The following DMD variants were observed in gnomAD, a reference collection of about 807,000 sequenced individuals.
The protein encoded by DMD is dystrophin.
Under a neutral mutation model 330.1 loss-of-function variants are expected in DMD, and 63 were observed. That is an observed-to-expected ratio of 0.19 (90% CI 0.16 to 0.24). The LOEUF (loss-of-function observed/expected upper bound fraction) is 0.24, where lower values mean the gene tolerates loss of function less well. DMD is among the 10% of genes least tolerant of loss of function. DMD has a pLI of 1.00. For missense variants in DMD, 3,344 were observed against 2,684.1 expected (o/e 1.25, Z -5.43); for synonymous variants, 1,223 against 959.8 (o/e 1.27, Z -5.07).
At chrX:32,944,752 C>T (rs1219865721) in intron 2 of DMD, among the ~76,000 whole-genome samples, 1 of 109,383 alleles carries the variant, frequency 9.1e-6, no homozygotes, top group African/African-American at 3.3e-5. Flanking sequence ...TTACAGGCGC[C>T]TGCCATCATG....
chrX:32,345,818 T>C, intron 39 of DMD, 125 bp downstream of exon 39: 1 of 694,751 alleles, frequency 1.4e-6, no homozygotes, highest in Admixed American at 3.4e-5. Context: ...GCATACACAT[T>C]GAACAGAAAA....
At chrX:33,289,922 A>G (rs970673504) in intron 1 of DMD, among the ~76,000 whole-genome samples, 45 of 112,000 alleles carry the variant, frequency 4.0e-4, no homozygotes, top group African/African-American at 1.4e-3. Context: ...TAACTTTTAA[A>G]TGAGCGCATA....
intron 59 of DMD, among the ~76,000 whole-genome samples, chrX:31,452,886 T>G (rs2065865445): frequency 8.9e-6 from 1 of 112,044 alleles, no homozygotes. Flanking sequence ...GGAAAAGTTT[T>G]TATTTTTAAG....
chrX:32,627,883 A>G (rs2058456517), intron 11 of DMD, among the ~76,000 whole-genome samples: 1 of 110,791 alleles, frequency 9.0e-6, no homozygotes, highest in Non-Finnish European at 1.9e-5. Context: ...TAGAAACCAC[A>G]ATACCCTATT....
chrX:31,430,757 A>AT (rs1250837207), intron 60 of DMD, among the ~76,000 whole-genome samples: 1 of 103,122 alleles, frequency 9.7e-6, no homozygotes, highest in Admixed American at 1.1e-4. Flanking sequence ...AAGAATTGGA[A>AT]TTGGGGGTCC....
At chrX:32,178,828 GGGGTGTGT>G (rs1371331566) in intron 44 of DMD, among the ~76,000 whole-genome samples, 12 of 16,700 alleles carry the variant, frequency 7.2e-4, no homozygotes, top group Non-Finnish European at 1.4e-3. Flanking sequence ...AATATTCCAG[GGGGTGTGT>G]GTGTGTGTGT....
chrX:31,528,899 G>C (rs1387095115), intron 55 of DMD, among the ~76,000 whole-genome samples: 1 of 111,282 alleles, frequency 9.0e-6, no homozygotes, highest in East Asian at 2.8e-4. Context: ...GGGAGGCCGA[G>C]GTAGGAGTAT....
At chrX:32,031,873 T>A (rs1039374909) in intron 44 of DMD, among the ~76,000 whole-genome samples, 18 of 112,166 alleles carry the variant, frequency 1.6e-4, no homozygotes, top group African/African-American at 5.5e-4. Flanking sequence ...AATTTGCTTT[T>A]CAGCTAGCAT....
At chrX:33,039,050 A>C (rs944360061) in intron 1 of DMD, among the ~76,000 whole-genome samples, 5 of 112,259 alleles carry the variant, frequency 4.5e-5, no homozygotes, top group African/African-American at 1.6e-4. Context: ...TAAATGAAGA[A>C]AACATTTCAT....
chrX:33,164,826 G>A (rs1341118111), intron 1 of DMD, among the ~76,000 whole-genome samples: 1 of 110,711 alleles, frequency 9.0e-6, no homozygotes, highest in Non-Finnish European at 1.9e-5. Flanking sequence ...CTCCTACAGA[G>A]GCCAGATGGG....
chrX:32,562,284 C>G (rs1185673974), intron 16 of DMD, among the ~76,000 whole-genome samples: 2 of 112,495 alleles, frequency 1.8e-5, no homozygotes, highest in Admixed American at 9.4e-5. Context: ...CAGCTTGTGT[C>G]CAGGTATTAT....
At chrX:31,206,862 T>TAC (rs1345320361) in intron 65 of DMD, among the ~76,000 whole-genome samples, 195 bp from the exon 66 acceptor site, 1 of 111,737 alleles carries the variant, frequency 8.9e-6, no homozygotes, top group Admixed American at 9.5e-5. Context: ...ACTGATGACC[T>TAC]ACAATGCAAT....
chrX:31,872,399 G>C (rs1167483688), intron 48 of DMD, among the ~76,000 whole-genome samples: 1 of 111,385 alleles, frequency 9.0e-6, no homozygotes, highest in Non-Finnish European at 1.9e-5. Flanking sequence ...GAGCCCTATG[G>C]GCCATAGACA....
intron 55 of DMD, among the ~76,000 whole-genome samples, chrX:31,584,498 A>G (rs1356715109): frequency 8.9e-6 from 1 of 111,979 alleles, no homozygotes; most frequent in Non-Finnish European, 1.9e-5. Context: ...TTCTATTTTA[A>G]AGATACATGC....
chrX:32,726,247 A>C (rs1192968522), intron 7 of DMD, among the ~76,000 whole-genome samples: 2 of 111,442 alleles, frequency 1.8e-5, no homozygotes, highest in Non-Finnish European at 3.8e-5. Context: ...TTCGATAGAT[A>C]AGGTCATATT....
At chrX:32,892,218 CA>C (rs2085274417) in intron 2 of DMD, among the ~76,000 whole-genome samples, 1 of 111,890 alleles carries the variant, frequency 8.9e-6, no homozygotes, top group African/African-American at 3.3e-5. Context: ...AGCCTTCTGT[CA>C]GTCACTAGAC....
intron 43 of DMD, among the ~76,000 whole-genome samples, chrX:32,253,306 T>A (rs1485291577): frequency 9.0e-6 from 1 of 111,033 alleles, no homozygotes; most frequent in East Asian, 2.8e-4. Flanking sequence ...AACTGGTCAC[T>A]TAGCTGACTG....
intron 2 of DMD, among the ~76,000 whole-genome samples, chrX:32,928,353 TCACGCCA>T (rs1302581820): frequency 6.7e-4 from 74 of 110,507 alleles, no homozygotes; most frequent in Non-Finnish European, 1.2e-3. Context: ...AAATTTGACC[TCACGCCA>T]CACTCTGCTT....
chrX:31,246,148 G>A (rs1449883981), intron 63 of DMD, among the ~76,000 whole-genome samples: 1 of 112,355 alleles, frequency 8.9e-6, no homozygotes, highest in Non-Finnish European at 1.9e-5. Context: ...GAGAAAGTTT[G>A]AGTGCTCTGA....
Sources: allele counts gnomAD v4.1 joint callset (sites outside exome capture counted in the v4.1 genomes callset), GRCh38; gene constraint gnomAD v4.1.1; transcripts MANE v1.5; gene names NCBI Gene and HGNC (gene_info 2026-07-23, HGNC 2026-07-21).